The following MEI4 variants were observed in gnomAD, a reference collection of about 807,000 sequenced individuals.
MEI4 encodes the protein meiosis-specific protein MEI4.
In MEI4, 27 loss-of-function variants were observed where a neutral mutation model predicts 31.4. That is an observed-to-expected ratio of 0.86 (90% CI 0.63 to 1.19). The LOEUF (loss-of-function observed/expected upper bound fraction) is 1.19, where lower values mean the gene tolerates loss of function less well. Ranked by LOEUF, MEI4 falls within the 50% of genes most tolerant of loss-of-function variation. MEI4 has a pLI of 0.00. For missense variants in MEI4, 329 were observed against 398.9 expected (o/e 0.82, Z 1.49); for synonymous variants, 122 against 145.4 (o/e 0.84, Z 1.16).
At chr6:77,713,197 G>T (rs778350700) in intron 2 of MEI4, among the ~76,000 whole-genome samples, 5 of 152,076 alleles carry the variant, frequency 3.3e-5, no homozygotes, top group Non-Finnish European at 7.4e-5. Context: ...TGAAAAATGA[G>T]GATGACAATG....
At chr6:77,884,849 TTGTATACAAA>T (rs1771582235) in intron 4 of MEI4, among the ~76,000 whole-genome samples, 1 of 152,184 alleles carries the variant, frequency 6.6e-6, no homozygotes, top group South Asian at 2.1e-4. Flanking sequence ...TCATTTGTGG[TTGTATACAAA>T]TATTAGGATT....
intron 1 of MEI4, among the ~76,000 whole-genome samples, chr6:77,687,659 A>AT (rs59822179): frequency 0.023 from 3,505 of 152,234 alleles, 136 homozygotes; most frequent in African/African-American, 0.079. Flanking sequence ...ACTTGCTAGA[A>AT]TAACTCACAG....
intron 4 of MEI4, among the ~76,000 whole-genome samples, chr6:77,860,425 C>T (rs1770838321): frequency 1.3e-5 from 2 of 152,018 alleles, no homozygotes; most frequent in African/African-American, 2.4e-5. Context: ...AATAGAAAAC[C>T]TATTCACACT....
intron 4 of MEI4, among the ~76,000 whole-genome samples, chr6:77,893,261 AT>A (rs1047715511): frequency 3.9e-5 from 6 of 152,006 alleles, no homozygotes; most frequent in East Asian, 3.9e-4. Flanking sequence ...TACAAGAACC[AT>A]TTTTTTTAAC....
At chr6:77,688,882 G>A (rs765641916) in intron 1 of MEI4, among the ~76,000 whole-genome samples, 5 of 152,002 alleles carry the variant, frequency 3.3e-5, no homozygotes, top group Non-Finnish European at 2.9e-5. Context: ...TGCTCCTATC[G>A]CTGATGACAG....
chr6:77,716,351 C>T (rs1208204437), intron 2 of MEI4, among the ~76,000 whole-genome samples: 3 of 151,906 alleles, frequency 2.0e-5, no homozygotes, highest in Admixed American at 6.6e-5. Flanking sequence ...AAAGAAATAC[C>T]ACAAGGTGTG....
rs539662042 is a variant in MEI4 at position 77,926,737 on chromosome 6, A to G, written c.*3391A>G. 6.6e-6 allele frequency: 1 copy of G among 152,114 alleles called. No individual in the cohort carries two copies. The highest frequency in any genetic ancestry group is 2.4e-5 in the African/African-American group (1 of 41,562). 9.4% of individuals were successfully genotyped at this position (152,114 alleles called of 1,614,324 possible). ...GTCTACAAACCAATTATTTGCAAAA[A>G]TAAAACATACTAAGCTTTAACTTTT... On this transcript the variant is annotated 3_prime_UTR_variant, in exon 5 of 5. Transcript: ENST00000684080.
intron 4 of MEI4, among the ~76,000 whole-genome samples, chr6:77,901,387 T>G (rs1039311536): frequency 3.3e-5 from 5 of 152,038 alleles, no homozygotes; most frequent in Admixed American, 6.6e-5. Context: ...ATCTCTAATC[T>G]TCTTGATGAT....
At chr6:77,846,293 C>T (rs1002743927) in intron 4 of MEI4, among the ~76,000 whole-genome samples, 27 of 151,908 alleles carry the variant, frequency 1.8e-4, no homozygotes, top group Admixed American at 5.3e-4. Context: ...CATCACATTC[C>T]ATTTTGATTT....
intron 4 of MEI4, among the ~76,000 whole-genome samples, chr6:77,863,108 GGTAGATA>G (rs1770912610): frequency 8.1e-6 from 1 of 123,328 alleles, no homozygotes; most frequent in African/African-American, 3.4e-5. Flanking sequence ...AGGTAGATCA[GGTAGATA>G]AAACCACAAA....
chr6:77,846,574 A>G (rs1315494520), intron 4 of MEI4, among the ~76,000 whole-genome samples: 3 of 152,124 alleles, frequency 2.0e-5, no homozygotes, highest in Non-Finnish European at 4.4e-5. Flanking sequence ...ACTTATATCT[A>G]ATGAGAAAAT....
chr6:77,828,865 G>A, intron 3 of MEI4, 66 bp from the exon 4 acceptor site: 1 of 1,163,952 alleles, frequency 8.6e-7, no homozygotes, highest in Non-Finnish European at 1.1e-6. Flanking sequence ...TCAGTAGTAA[G>A]GTCTTAGAAA....
At chr6:77,780,945 G>A (rs1352657352) in intron 3 of MEI4, among the ~76,000 whole-genome samples, 1 of 151,986 alleles carries the variant, frequency 6.6e-6, no homozygotes, top group African/African-American at 2.4e-5. Context: ...GAAGTGCAGT[G>A]GTGTGATCAT....
intron 3 of MEI4, among the ~76,000 whole-genome samples, chr6:77,819,512 A>T (rs989818156): frequency 6.6e-6 from 1 of 152,134 alleles, no homozygotes; most frequent in Non-Finnish European, 1.5e-5. Context: ...TCCCTAATTT[A>T]CTTTAATCTG....
At chr6:77,703,539 T>G (rs1367632981) in intron 2 of MEI4, among the ~76,000 whole-genome samples, 1 of 152,200 alleles carries the variant, frequency 6.6e-6, no homozygotes, top group Admixed American at 6.5e-5. Context: ...GCAATCATCT[T>G]TATATTTAGG....
chr6:77,710,535 A>G (rs933837377), intron 2 of MEI4, among the ~76,000 whole-genome samples: 1 of 149,034 alleles, frequency 6.7e-6, no homozygotes, highest in African/African-American at 2.4e-5. Flanking sequence ...AAAAAAAAAA[A>G]AAAAAAAGAA....
At chr6:77,691,899 A>G (rs1237020902) in intron 2 of MEI4, among the ~76,000 whole-genome samples, 1 of 145,232 alleles carries the variant, frequency 6.9e-6, no homozygotes, top group Non-Finnish European at 1.5e-5. Context: ...ATTGGGAAAC[A>G]TAATTCTGGC....
chr6:77,889,700 A>G (rs1771711159), intron 4 of MEI4, among the ~76,000 whole-genome samples: 1 of 152,230 alleles, frequency 6.6e-6, no homozygotes, highest in Non-Finnish European at 1.5e-5. Flanking sequence ...CAAGACCATC[A>G]TGGCAGCCAC....
At chr6:77,879,012 C>T (rs1771414309) in intron 4 of MEI4, among the ~76,000 whole-genome samples, 1 of 152,152 alleles carries the variant, frequency 6.6e-6, no homozygotes, top group Middle Eastern at 3.4e-3. Context: ...CAATTTTTTT[C>T]AATGTTGCTG....
Sources: allele counts gnomAD v4.1 joint callset (sites outside exome capture counted in the v4.1 genomes callset), GRCh38; gene constraint gnomAD v4.1.1; transcripts MANE v1.5; gene names NCBI Gene and HGNC (gene_info 2026-07-23, HGNC 2026-07-21).